The following SPOCK1 variants were observed in gnomAD, a reference collection of about 807,000 sequenced individuals.
The protein encoded by SPOCK1 is SPARC (osteonectin), cwcv and kazal like domains proteoglycan 1.
A neutral mutation model predicts 55.3 loss-of-function variants in SPOCK1; 23 were observed. That is an observed-to-expected ratio of 0.42 (90% confidence interval 0.30 to 0.59). The LOEUF (loss-of-function observed/expected upper bound fraction) is 0.59, where lower values mean the gene tolerates loss of function less well. Among genes scored for constraint, SPOCK1 ranks in the 20% least tolerant of loss-of-function variants. The pLI, the probability that SPOCK1 is intolerant of heterozygous loss-of-function variation, is 0.22. For synonymous variants in SPOCK1, 226 were observed against 221.0 expected (o/e 1.02, Z -0.20); for missense variants, 499 against 552.5 (o/e 0.90, Z 0.97).
chr5:137,089,266 A>G (rs1231270478), intron 5 of SPOCK1, among the ~76,000 whole-genome samples: 1 of 152,182 alleles, frequency 6.6e-6, no homozygotes. Context: ...AACAACAACA[A>G]AACTTCAGAA....
At chr5:137,416,644 A>G (rs528043799) in intron 2 of SPOCK1, among the ~76,000 whole-genome samples, 294 of 152,252 alleles carry the variant, frequency 1.9e-3, no homozygotes, top group African/African-American at 6.5e-3. Context: ...GTAACTAAGA[A>G]AGAATCAGAA....
At chr5:137,000,313 C>T (rs578220624) in intron 6 of SPOCK1, among the ~76,000 whole-genome samples, 52 of 152,264 alleles carry the variant, frequency 3.4e-4, no homozygotes, top group Non-Finnish European at 7.2e-4. Flanking sequence ...GCTGAGCCTT[C>T]CTTAGAGCAG....
chr5:137,415,386 T>C (rs932751904), intron 2 of SPOCK1, among the ~76,000 whole-genome samples: 1 of 152,224 alleles, frequency 6.6e-6, no homozygotes, highest in African/African-American at 2.4e-5. Flanking sequence ...GTGTGACTAA[T>C]GAAGGCCAGT....
chr5:137,330,778 C>A (rs1187089631), intron 2 of SPOCK1, among the ~76,000 whole-genome samples: 1 of 152,224 alleles, frequency 6.6e-6, no homozygotes, highest in Non-Finnish European at 1.5e-5. Flanking sequence ...GTCCCACATT[C>A]ACCTTGATAA....
intron 2 of SPOCK1, among the ~76,000 whole-genome samples, chr5:137,292,655 G>T (rs554272474): frequency 6.6e-6 from 1 of 152,090 alleles, no homozygotes; most frequent in South Asian, 2.1e-4. Flanking sequence ...ATGCACTGAC[G>T]CATCTTTAAG....
At chr5:137,209,474 G>T (rs1049659152) in intron 3 of SPOCK1, among the ~76,000 whole-genome samples, 1 of 152,158 alleles carries the variant, frequency 6.6e-6, no homozygotes, top group African/African-American at 2.4e-5. Context: ...TCCCAAAGTT[G>T]GAAGCAGGCA....
intron 5 of SPOCK1, among the ~76,000 whole-genome samples, chr5:137,077,045 T>A (rs929940076): frequency 3.9e-5 from 6 of 152,194 alleles, no homozygotes; most frequent in African/African-American, 1.4e-4. Context: ...TGCCTCACCC[T>A]CCTAAGTAGC....
chr5:137,336,540 G>C (rs903510320), intron 2 of SPOCK1, among the ~76,000 whole-genome samples: 5 of 152,184 alleles, frequency 3.3e-5, no homozygotes, highest in Non-Finnish European at 7.3e-5. Flanking sequence ...CCAGGCTCAG[G>C]AAAGAGCAGT....
At chr5:136,984,107 G>C (rs1457460190) in intron 9 of SPOCK1, among the ~76,000 whole-genome samples, 2 of 152,186 alleles carry the variant, frequency 1.3e-5, no homozygotes, top group African/African-American at 4.8e-5. Context: ...TTTGCCTTCA[G>C]ACCAGAAATA....
chr5:137,215,992 G>T (rs1205146898), intron 3 of SPOCK1, among the ~76,000 whole-genome samples: 1 of 152,180 alleles, frequency 6.6e-6, no homozygotes, highest in Non-Finnish European at 1.5e-5. Flanking sequence ...TCAAAGCCTG[G>T]CCCCTCTTTT....
chr5:137,310,607 C>T (rs1159689799), intron 2 of SPOCK1, among the ~76,000 whole-genome samples: 1 of 152,168 alleles, frequency 6.6e-6, no homozygotes, highest in Non-Finnish European at 1.5e-5. Flanking sequence ...CAAAAATCTC[C>T]AGCCCTGTCA....
chr5:136,992,519 ACT>A lies in SPOCK1; in HGVS notation c.669_670del (p.Arg223SerfsTer15). The A allele has an allele frequency of 6.2e-7, 1 of 1,613,642 alleles. No individual in the cohort carries two copies. Among genetic ancestry groups the A allele is most frequent in the Non-Finnish European group, 8.5e-7 (1 of 1,179,818 alleles). Reference sequence around the variant, plus strand: ...TGTGTTGGAGCTGGTGGGCTTGATGACTCTGTTCGCATCCTCGTGGAGAGCTC... The same window carrying A: ...TGTGTTGGAGCTGGTGGGCTTGATGACTGTTCGCATCCTCGTGGAGAGCTC... On this transcript the variant is annotated frameshift_variant, in exon 7 of 11. Transcript: ENST00000394945. LOFTEE classifies it high-confidence loss of function.
intron 3 of SPOCK1, among the ~76,000 whole-genome samples, chr5:137,247,891 C>G (rs1204608345): frequency 1.3e-5 from 2 of 152,170 alleles, no homozygotes; most frequent in Non-Finnish European, 2.9e-5. Context: ...GGTAAAAGCA[C>G]CAAGATATTC....
At chr5:137,352,032 G>C (rs986609303) in intron 2 of SPOCK1, among the ~76,000 whole-genome samples, 3 of 152,232 alleles carry the variant, frequency 2.0e-5, no homozygotes, top group African/African-American at 7.2e-5. Context: ...TCTGGAATCA[G>C]ACAGGATAAG....
In SPOCK1 at chr5:137,350,627, G is replaced by A. The variant is rs946015297; in HGVS notation, c.187-83572C>T. 5.3e-5 allele frequency among the ~76,000 whole-genome samples: 8 copies of A among 152,112 alleles called. No homozygotes were observed. The South Asian group carries it at 8.3e-4, about 16-fold the overall frequency. On this transcript the variant is annotated intron_variant, in intron 2 of 10. Transcript: ENST00000394945. ...TGCACACACATGGCTTCTCCTGCTT[G>A]TTGGTCTCAAGGGCAGGGCTGAGGG...
At chr5:137,237,892 T>C (rs1275177595) in intron 3 of SPOCK1, among the ~76,000 whole-genome samples, 1 of 152,210 alleles carries the variant, frequency 6.6e-6, no homozygotes, top group Non-Finnish European at 1.5e-5. Context: ...GGGCTACACT[T>C]GAAGGCACTG....
chr5:137,489,109 C>A (rs1036077843), intron 2 of SPOCK1, among the ~76,000 whole-genome samples: 1 of 152,126 alleles, frequency 6.6e-6, no homozygotes, highest in South Asian at 2.1e-4. Flanking sequence ...AAAAAGAAAC[C>A]ATTATCCCCA....
chr5:137,286,367 G>A (rs1442040236), intron 2 of SPOCK1, among the ~76,000 whole-genome samples: 1 of 152,166 alleles, frequency 6.6e-6, no homozygotes, highest in African/African-American at 2.4e-5. Flanking sequence ...TCTATGTGTT[G>A]CCCTGGCCAC....
chr5:137,072,417 G>T (rs1298936175), intron 5 of SPOCK1, among the ~76,000 whole-genome samples: 2 of 152,166 alleles, frequency 1.3e-5, no homozygotes, highest in African/African-American at 4.8e-5. Flanking sequence ...AGAGATGCCT[G>T]CCTGCCCTTA....
Sources: allele counts gnomAD v4.1 joint callset (sites outside exome capture counted in the v4.1 genomes callset), GRCh38; gene constraint gnomAD v4.1.1; transcripts MANE v1.5; gene names NCBI Gene and HGNC (gene_info 2026-07-23, HGNC 2026-07-21).